The following HMCN2 variants were observed in gnomAD, a reference collection of about 807,000 sequenced individuals.
The protein encoded by HMCN2 is hemicentin-2.
A neutral mutation model predicts 377.5 loss-of-function variants in HMCN2; 325 were observed. The observed-to-expected ratio is 0.86, with a 90% CI of 0.79 to 0.94. The LOEUF (loss-of-function observed/expected upper bound fraction) is 0.94, where lower values mean the gene tolerates loss of function less well. HMCN2 is among the 40% of genes least tolerant of loss of function. The pLI, the probability that HMCN2 is intolerant of heterozygous loss-of-function variation, is 0.00. For missense variants in HMCN2, 4,543 were observed against 4,725.3 expected (o/e 0.96, Z 1.13); for synonymous variants, 2,007 against 2,046.8 (o/e 0.98, Z 0.53).
chr9:130,410,662 G>C lies in HMCN2; in HGVS notation c.12961+10G>C. 6.5e-7 allele frequency: 1 copy of C among 1,550,196 alleles called. No individual in the cohort carries two copies. The highest frequency in any genetic ancestry group is 2.0e-5 in the Admixed American group (1 of 50,996). The stretch of plus-strand genomic sequence containing the variant: ...ATCCTCGTCCTGCAGAGTGAGTCTC[G>C]GCCTCAGCAGAGTGGGGACGTGGGA... On this transcript the variant is annotated intron_variant, in intron 85 of 97. Transcript: ENST00000683500.
At position 130,400,799 on chromosome 9, in the gene HMCN2, C is replaced by G. The variant is rs1428060324; in HGVS notation, c.11622C>G (p.Ala3874=). 2.3e-6 allele frequency: 3 copies of G among 1,287,192 alleles called. No homozygotes were observed. Among genetic ancestry groups the G allele is most frequent in the African/African-American group, 3.0e-5 (2 of 65,740 alleles). 79.7% of individuals were successfully genotyped at this position (1,287,192 alleles called of 1,614,324 possible). A position where few individuals can be genotyped will look rare whatever the true frequency, so the allele number is the denominator to read the frequency against. ...QVTVHVPPTI[A]DDQTDFTVTM... Reference sequence around the variant, plus strand: ...GGGTTTTAGTGCCTCCCACCATTGCCGATGACCAGACAGACTTCACCGTGA... The same window carrying G: ...GGGTTTTAGTGCCTCCCACCATTGCGGATGACCAGACAGACTTCACCGTGA... Residue 3874 remains alanine (A), a synonymous_variant, in exon 77 of 98, where the codon GCC becomes GCG. Coordinates refer to ENST00000683500, the MANE Select transcript of HMCN2 (RefSeq NM_001291815.2).
At chr9:130,419,935 C>T (rs898269611) in intron 86 of HMCN2, among the ~76,000 whole-genome samples, 14 of 152,180 alleles carry the variant, frequency 9.2e-5, no homozygotes, top group Admixed American at 2.6e-4. Flanking sequence ...TCCCACAGGC[C>T]GGGGCAGGGT....
intron 97 of HMCN2, chr9:130,432,869 A>C (rs1434527486): frequency 1.2e-5 from 5 of 417,504 alleles, no homozygotes; most frequent in East Asian, 4.6e-5. Flanking sequence ...ACACGGAGAC[A>C]TGGGGACCTT....
At chr9:130,292,442 A>G (rs1177100795) in intron 4 of HMCN2, among the ~76,000 whole-genome samples, 2 of 152,202 alleles carry the variant, frequency 1.3e-5, no homozygotes, top group African/African-American at 4.8e-5. Context: ...CATTCTTCCA[A>G]GAAGAAGAAC....
chr9:130,402,279 C>T (rs942521327), intron 77 of HMCN2, among the ~76,000 whole-genome samples: 7 of 152,330 alleles, frequency 4.6e-5, no homozygotes, highest in South Asian at 2.1e-4. Flanking sequence ...TTAGAACCCT[C>T]GTCACTTGAC....
rs1840888765 is a variant in HMCN2, at chr9:130,369,403, G to A, written c.6788-167G>A. Reference sequence around the variant, plus strand: ...TCCCAGGCTGTAGTAGCAGTAGGGTGCTGTTATGACCCCATTGTTGGGAAG... The same window carrying A: ...TCCCAGGCTGTAGTAGCAGTAGGGTACTGTTATGACCCCATTGTTGGGAAG... On this transcript the variant is annotated intron_variant, in intron 44 of 97. Transcript: ENST00000683500. This position sits in a 1 kb window ranked among gnomAD's most constrained non-coding sequence, Gnocchi z 4.5. Among the ~76,000 whole-genome samples, 1 of 152,222 alleles carries A rather than the reference G, an allele frequency of 6.6e-6. No individual in the cohort carries two copies. Among genetic ancestry groups the A allele is most frequent in the South Asian group, 2.1e-4 (1 of 4,828 alleles).
intron 28 of HMCN2, 35 bp from the exon 29 acceptor site, chr9:130,349,502 A>G (rs1442954760): frequency 3.8e-6 from 5 of 1,299,494 alleles, no homozygotes; most frequent in Admixed American, 2.3e-5. Flanking sequence ...CAGGGTTTGA[A>G]CAGTTTCCCA....
In HMCN2 at chr9:130,399,640, G is replaced by A. The variant is rs769318952; in HGVS notation, c.11605+8G>A. ...ACCAGGTGACCGTCCATGGTGAGTC[G>A]GGGCAGAGGTGGAGGGGGACACCTG... On this transcript the variant is annotated splice_region_variant and intron_variant, in intron 76 of 97. Coordinates refer to ENST00000683500, the MANE Select transcript of HMCN2 (RefSeq NM_001291815.2). 12 of 1,284,770 alleles carry A rather than the reference G, an allele frequency of 9.3e-6. No individual in the cohort carries two copies. Among genetic ancestry groups the A allele is most frequent in the East Asian group, 1.1e-4 (2 of 17,896 alleles). 79.6% of individuals were successfully genotyped at this position (1,284,770 alleles called of 1,614,324 possible).
intron 32 of HMCN2, among the ~76,000 whole-genome samples, chr9:130,355,415 TC>T (rs1839973799): frequency 6.6e-6 from 1 of 152,182 alleles, no homozygotes; most frequent in Non-Finnish European, 1.5e-5. Flanking sequence ...TGCTCTTCCA[TC>T]CATTGCTGAA....
rs1588370680 is a variant in HMCN2, at chr9:130,388,532, T to C, written c.9515T>C (p.Met3172Thr). The change falls in exon 62 of 98, where the codon ATG (methionine) becomes ACG (threonine). Residue 3172 changes from methionine (M) to threonine (T), a missense_variant. By Grantham distance (81) the Met-to-Thr change is moderately conservative. This residue lies in a region of HMCN2 where 736 missense variants were observed against 773.2 expected (regional missense o/e 0.95). Transcript: ENST00000683500. Reference protein sequence around the residue: ...APTVTWLKDRMPVESSAVHGV... With the variant: ...APTVTWLKDRTPVESSAVHGV... ...ACGGTCACTTGGCTGAAGGACAGGA[T>C]GCCTGTGGGTGAGCACATCTGTCCT... The C allele has an allele frequency of 8.1e-6, 8 of 988,018 alleles. No individual in the cohort carries two copies. In the South Asian group the frequency reaches 1.9e-4, roughly 23 times the overall value. The allele number at this position is 988,018 out of a possible 1,614,324, so 61.2% of individuals were successfully genotyped here.
At chr9:130,283,347 C>T (rs2131271162) in intron 1 of HMCN2, among the ~76,000 whole-genome samples, 1 of 152,086 alleles carries the variant, frequency 6.6e-6, no homozygotes, top group African/African-American at 2.4e-5. Flanking sequence ...CTCCATGTAC[C>T]CATCACCCAG....
At chr9:130,377,328 C>G (rs1177979470) in intron 52 of HMCN2, among the ~76,000 whole-genome samples, 1 of 151,816 alleles carries the variant, frequency 6.6e-6, no homozygotes, top group Admixed American at 6.6e-5. Flanking sequence ...TTGGCCAGGC[C>G]GATCTCAAAC....
In HMCN2 at chr9:130,329,146, C is replaced by A. The variant is rs998996166; in HGVS notation, c.3359+1671C>A. Among the ~76,000 whole-genome samples, 211 of 152,328 alleles carry A rather than the reference C, an allele frequency of 1.4e-3. 2 individuals are homozygous for A. Among genetic ancestry groups the A allele is most frequent in the African/African-American group, 4.7e-3 (195 of 41,558 alleles). ...AAAACTTCATACTCATTGGCAGCCA[C>A]CAGCCCCCCATTTCTGCTCCAGCCC... On this transcript the variant is annotated intron_variant, in intron 22 of 97. Coordinates refer to ENST00000683500, the MANE Select transcript of HMCN2 (RefSeq NM_001291815.2).
At chr9:130,377,968 G>GGT (rs1841485176) in intron 53 of HMCN2, among the ~76,000 whole-genome samples, 169 bp downstream of exon 53, 1 of 152,178 alleles carries the variant, frequency 6.6e-6, no homozygotes, top group Admixed American at 6.5e-5. Flanking sequence ...CAACCCCTCT[G>GGT]CCTTGAGGGA....
At position 130,394,084 on chromosome 9, in the gene HMCN2, A is replaced by G; in HGVS notation, c.10501+76A>G. 1 of 1,170,110 alleles carries G rather than the reference A, an allele frequency of 8.5e-7. No homozygotes were observed. The highest frequency in any genetic ancestry group is 1.1e-6 in the Non-Finnish European group (1 of 925,266). The allele number at this position is 1,170,110 out of a possible 1,614,324, so 72.5% of individuals were successfully genotyped here. ...GGACTCTAGGGGCAATGGGAAGGAC[A>G]GTGAGGGAGGTGAGTCCCCTGGAGA... On this transcript the variant is annotated intron_variant, in intron 68 of 97. Coordinates refer to ENST00000683500, the MANE Select transcript of HMCN2 (RefSeq NM_001291815.2). The surrounding 1 kb of genome is among the most constrained non-coding windows in gnomAD (Gnocchi z 5.1).
chr9:130,357,839 C>T lies in HMCN2; in HGVS notation c.5431C>T (p.Pro1811Ser), dbSNP rs1840127827. 1 of 1,302,822 alleles carries T rather than the reference C, an allele frequency of 7.7e-7. No individual in the cohort carries two copies. The allele number at this position is 1,302,822 out of a possible 1,614,324, so 80.7% of individuals were successfully genotyped here. A position where few individuals can be genotyped will look rare whatever the true frequency, so the allele number is the denominator to read the frequency against. ...CTGACTCTTTCCCTTCCCAGAGTTC[C>T]CATCGGTCAGTATCATTGGGGGTGA... ...AEVEVSVHEFPSVSIIGGENI... is the reference protein window; with the variant it reads ...AEVEVSVHEFSSVSIIGGENI... The change falls in exon 35 of 98, where the codon CCA becomes TCA. Residue 1811 changes from proline to serine, a missense_variant. By Grantham distance (74) the Pro-to-Ser change is moderately conservative (BLOSUM62 -1). This residue lies in a region of HMCN2 where 1,032 missense variants were observed against 1,285.1 expected (regional missense o/e 0.80). Coordinates refer to ENST00000683500, the MANE Select transcript of HMCN2 (RefSeq NM_001291815.2).
chr9:130,384,130 A>G (rs373056978), intron 57 of HMCN2, among the ~76,000 whole-genome samples: 2 of 152,174 alleles, frequency 1.3e-5, no homozygotes, highest in African/African-American at 4.8e-5. Context: ...ACCTGAATTG[A>G]TATCTTAGCT....
rs116631168 is a variant in HMCN2, at chr9:130,297,842, T to C, written c.1012+1048T>C. 1.9e-3 allele frequency among the ~76,000 whole-genome samples: 284 copies of C among 152,300 alleles called. 4 individuals are homozygous for C. The highest frequency in any genetic ancestry group is 6.5e-3 in the African/African-American group (271 of 41,572). ...CTGTTAAGCCAGGAGAGCTAAGATA[T>C]CCTATGTGTAGTGATGGCGCGGGGA... On this transcript the variant is annotated intron_variant, in intron 7 of 97. Transcript: ENST00000683500.
intron 1 of HMCN2, among the ~76,000 whole-genome samples, chr9:130,267,482 A>G (rs1834182593): frequency 6.6e-6 from 1 of 150,470 alleles, no homozygotes; most frequent in Non-Finnish European, 1.5e-5. Flanking sequence ...ACACACGCAC[A>G]GATTCCTTGC....
Sources: gnomAD v4.1 joint callset for allele counts (sites outside exome capture counted in the v4.1 genomes callset) on GRCh38, gnomAD v4.1.1 for gene constraint, gnomAD v4.1.1 regional missense constraint, Gnocchi (gnomAD v3.1) non-coding constraint, MANE v1.5 for transcripts, NCBI Gene and HGNC (gene_info 2026-07-23, HGNC 2026-07-21) for gene names.